Variants in STPG4 observed in about 807,000 individuals in gnomAD.
STPG4 encodes protein STPG4.
In STPG4, 41 loss-of-function variants were observed where a neutral mutation model predicts 31.5. The observed-to-expected ratio is 1.30, with a 90% CI of 1.01 to 1.69. The LOEUF (loss-of-function observed/expected upper bound fraction) is 1.69, where lower values mean the gene tolerates loss of function less well. Ranked by LOEUF, STPG4 falls within the 40% of genes most tolerant of loss-of-function variation. The pLI is 0.00. For missense variants in STPG4, 375 were observed against 293.4 expected (o/e 1.28, Z -2.03); for synonymous variants, 141 against 103.0 (o/e 1.37, Z -2.24).
chr2:47,107,974 T>C (rs1481433883), intron 5 of STPG4, among the ~76,000 whole-genome samples: 2 of 149,520 alleles, frequency 1.3e-5, no homozygotes, highest in Non-Finnish European at 3.0e-5. Context: ...GCACTCTGTA[T>C]CTAGCTCAAG....
At chr2:47,133,142 T>TA (rs1395399686) in intron 3 of STPG4, among the ~76,000 whole-genome samples, 2 of 152,052 alleles carry the variant, frequency 1.3e-5, no homozygotes, top group African/African-American at 4.8e-5. Context: ...TGCATATATA[T>TA]ATTTCTAACT....
At chr2:47,092,073 A>G (rs1685579347) in intron 5 of STPG4, among the ~76,000 whole-genome samples, 2 of 146,680 alleles carry the variant, frequency 1.4e-5, no homozygotes, top group Non-Finnish European at 3.0e-5. Context: ...GAATGTTCAT[A>G]AACAGTAGTT....
chr2:47,102,239 G>A (rs1005965808), intron 5 of STPG4, among the ~76,000 whole-genome samples: 2 of 135,974 alleles, frequency 1.5e-5, no homozygotes, highest in Non-Finnish European at 3.2e-5. Flanking sequence ...ACCATTGCAG[G>A]TTCTCGAGCA....
intron 3 of STPG4, among the ~76,000 whole-genome samples, chr2:47,142,055 T>C (rs542695350): frequency 7.3e-4 from 110 of 151,226 alleles, no homozygotes; most frequent in African/African-American, 2.5e-3. Flanking sequence ...CCTTCAGTAG[T>C]CATTTTACCA....
intron 5 of STPG4, among the ~76,000 whole-genome samples, chr2:47,102,935 T>C (rs1685830530): frequency 6.6e-6 from 1 of 151,810 alleles, no homozygotes; most frequent in African/African-American, 2.4e-5. Context: ...TGACCTCACT[T>C]GGAGAGATGT....
At chr2:47,088,852 T>G (rs1685512312) in intron 6 of STPG4, among the ~76,000 whole-genome samples, 1 of 152,150 alleles carries the variant, frequency 6.6e-6, no homozygotes. Context: ...CCTTTATTAT[T>G]GCTATTAATG....
chr2:47,092,482 C>T (rs1033422506), intron 5 of STPG4, among the ~76,000 whole-genome samples: 5 of 148,916 alleles, frequency 3.4e-5, no homozygotes, highest in Non-Finnish European at 5.9e-5. Context: ...GAGCCATGAT[C>T]ATGTCACCGC....
intron 5 of STPG4, among the ~76,000 whole-genome samples, chr2:47,112,231 A>G (rs1347261971): frequency 6.6e-6 from 1 of 152,052 alleles, no homozygotes; most frequent in Non-Finnish European, 1.5e-5. Flanking sequence ...CAGTGGCATG[A>G]TCTCCGCTCA....
chr2:47,090,252 G>T lies in STPG4; in HGVS notation c.624+18C>A. On this transcript the variant is annotated intron_variant, in intron 6 of 6. Transcript: ENST00000445927. The stretch of plus-strand genomic sequence containing the variant: ...TACCCCTAGGGGTGGGGGGCGATCT[G>T]TCTTTCCGAATACTTACTGAACAGC... The T allele has an allele frequency of 3.3e-6, 5 of 1,526,816 alleles. 1 individual carries two copies. The highest frequency in any genetic ancestry group is 1.7e-4 in the Middle Eastern group (1 of 5,950). 94.6% of individuals were successfully genotyped at this position (1,526,816 alleles called of 1,614,324 possible).
chr2:47,097,499 C>A (rs899959949), intron 5 of STPG4, among the ~76,000 whole-genome samples: 1 of 152,018 alleles, frequency 6.6e-6, no homozygotes, highest in Non-Finnish European at 1.5e-5. Flanking sequence ...GGGACTCCTG[C>A]GCTTATAAAA....
chr2:47,127,443 A>G (rs1369842537), intron 5 of STPG4, among the ~76,000 whole-genome samples: 1 of 151,568 alleles, frequency 6.6e-6, no homozygotes, highest in Admixed American at 6.6e-5. Flanking sequence ...TGCTTTTTGT[A>G]TTTTTAGTAG....
At chr2:47,099,844 T>G (rs1171108243) in intron 5 of STPG4, among the ~76,000 whole-genome samples, 1 of 151,840 alleles carries the variant, frequency 6.6e-6, no homozygotes, top group East Asian at 1.9e-4. Context: ...TGGGCCCTGC[T>G]GGCCCCGGGC....
chr2:47,114,164 T>A (rs543671293), intron 5 of STPG4, among the ~76,000 whole-genome samples: 1 of 151,406 alleles, frequency 6.6e-6, no homozygotes, highest in Admixed American at 6.6e-5. Flanking sequence ...TAAGCCCAGG[T>A]GTTCAAGACC....
chr2:47,095,423 G>A (rs909714078), intron 5 of STPG4, among the ~76,000 whole-genome samples: 8 of 152,188 alleles, frequency 5.3e-5, no homozygotes, highest in African/African-American at 1.7e-4. Flanking sequence ...CACGAGCTGC[G>A]AATGAGGCAT....
At chr2:47,128,648 G>A (rs1051375221) in intron 5 of STPG4, among the ~76,000 whole-genome samples, 1 of 152,076 alleles carries the variant, frequency 6.6e-6, no homozygotes, top group African/African-American at 2.4e-5. Flanking sequence ...AGCTTGTGAG[G>A]AAGGCTGCCA....
intron 3 of STPG4, among the ~76,000 whole-genome samples, chr2:47,146,866 G>A (rs572659559): frequency 6.0e-5 from 9 of 150,424 alleles, no homozygotes; most frequent in African/African-American, 1.5e-4. Flanking sequence ...GGCTGGGTGC[G>A]TGACTCATGC....
intron 5 of STPG4, among the ~76,000 whole-genome samples, chr2:47,123,669 A>T (rs6721406): frequency 6.6e-6 from 1 of 152,146 alleles, no homozygotes; most frequent in African/African-American, 2.4e-5. Flanking sequence ...TTGGTTACTC[A>T]TTTCTCGTAT....
At position 47,099,946 on chromosome 2, in the gene STPG4, G is replaced by A. The variant is rs374076686; in HGVS notation, c.520-9572C>T. Among the ~76,000 whole-genome samples, 40 of 152,274 alleles carry A rather than the reference G, an allele frequency of 2.6e-4. No individual in the cohort carries two copies. The East Asian group carries it at 4.2e-3, about 16-fold the overall frequency. Reference sequence around the variant, plus strand: ...CCACCAGTGCTGTGCTCAGTTTCTCGCTGGGTCTTAGCTGCCTTCCCAAGG... The same window carrying A: ...CCACCAGTGCTGTGCTCAGTTTCTCACTGGGTCTTAGCTGCCTTCCCAAGG... On this transcript the variant is annotated intron_variant, in intron 5 of 6. Transcript: ENST00000445927.
At chr2:47,143,129 C>T (rs1686750727) in intron 3 of STPG4, among the ~76,000 whole-genome samples, 1 of 152,048 alleles carries the variant, frequency 6.6e-6, no homozygotes, top group East Asian at 1.9e-4. Context: ...CCCGGCCAAC[C>T]TCAACATTTG....
Sources: gnomAD v4.1 joint callset for allele counts (sites outside exome capture counted in the v4.1 genomes callset) on GRCh38, gnomAD v4.1.1 for gene constraint, MANE v1.5 for transcripts, NCBI Gene and HGNC (gene_info 2026-07-23, HGNC 2026-07-21) for gene names.